DCC: variants seen among roughly 807,000 people sequenced by gnomAD.
DCC encodes the protein DCC netrin 1 receptor.
A neutral mutation model predicts 172.5 loss-of-function variants in DCC; 58 were observed. That is an observed-to-expected ratio of 0.34 (90% CI 0.27 to 0.42). DCC has a LOEUF of 0.42. Ranked by LOEUF, DCC falls within the 10% of genes least tolerant of loss-of-function variation. DCC has a pLI of 1.00. For synonymous variants in DCC, 709 were observed against 644.5 expected, an observed-to-expected ratio of 1.10 and a Z score of -1.52; for missense variants, 1,740 against 1,791.0, an observed-to-expected ratio of 0.97 and a Z score of 0.51.
At chr18:52,760,675 G>C (rs2037146998) in intron 2 of DCC, among the ~76,000 whole-genome samples, 1 of 152,084 alleles carries the variant, frequency 6.6e-6, no homozygotes, top group Non-Finnish European at 1.5e-5. Flanking sequence ...ACTGATTTTT[G>C]TCCTATTTTT....
intron 1 of DCC, among the ~76,000 whole-genome samples, chr18:52,439,955 T>C (rs1295098941): frequency 1.3e-5 from 2 of 152,132 alleles, no homozygotes; most frequent in African/African-American, 2.4e-5. Context: ...AAACGGGGCA[T>C]AGCTGTTTTC....
At chr18:52,538,105 C>T (rs2032337836) in intron 1 of DCC, among the ~76,000 whole-genome samples, 1 of 152,112 alleles carries the variant, frequency 6.6e-6, no homozygotes, top group Non-Finnish European at 1.5e-5. Flanking sequence ...GATTTGGCAC[C>T]TCATCCATCC....
At chr18:53,337,792 G>A (rs1157822565) in intron 14 of DCC, among the ~76,000 whole-genome samples, 1 of 152,166 alleles carries the variant, frequency 6.6e-6, no homozygotes, top group Non-Finnish European at 1.5e-5. Context: ...CTAGAAGTGG[G>A]AATGCTGCAT....
intron 1 of DCC, among the ~76,000 whole-genome samples, chr18:52,416,743 C>T (rs376561135): frequency 6.7e-6 from 1 of 148,912 alleles, no homozygotes; most frequent in Non-Finnish European, 1.5e-5. Flanking sequence ...TTCCTCCATC[C>T]TTTTATTTTG....
chr18:53,184,785 A>G (rs751136311), intron 9 of DCC, among the ~76,000 whole-genome samples: 1 of 152,136 alleles, frequency 6.6e-6, no homozygotes, highest in Non-Finnish European at 1.5e-5. Context: ...CTTGGCTGTC[A>G]TTGGTTGGTT....
At chr18:52,827,801 T>C (rs1212961247) in intron 2 of DCC, among the ~76,000 whole-genome samples, 1 of 152,222 alleles carries the variant, frequency 6.6e-6, no homozygotes, top group African/African-American at 2.4e-5. Context: ...CTTGCTTTTC[T>C]TTGAATTTAC....
intron 27 of DCC, among the ~76,000 whole-genome samples, chr18:53,511,956 A>C (rs2046260728): frequency 1.3e-5 from 2 of 152,214 alleles, no homozygotes; most frequent in African/African-American, 2.4e-5. Context: ...AACTGGGTGG[A>C]GCCCACCACA....
chr18:52,387,309 G>C (rs764948244), intron 1 of DCC, among the ~76,000 whole-genome samples: 6 of 152,074 alleles, frequency 3.9e-5, no homozygotes, highest in Non-Finnish European at 7.4e-5. Flanking sequence ...TCAGGACAAA[G>C]GATAAATGGA....
At chr18:53,411,205 A>T (rs1469878832) in intron 20 of DCC, among the ~76,000 whole-genome samples, 2 of 152,162 alleles carry the variant, frequency 1.3e-5, no homozygotes, top group Non-Finnish European at 2.9e-5. Flanking sequence ...AGTAGTGATT[A>T]CATCAAAATA....
chr18:52,671,109 G>C (rs903018645), intron 1 of DCC, among the ~76,000 whole-genome samples: 5 of 152,168 alleles, frequency 3.3e-5, no homozygotes, highest in African/African-American at 7.2e-5. Context: ...CCCTGCTGGG[G>C]AGGCTTAACA....
chr18:52,719,610 C>T (rs199847450), intron 1 of DCC, among the ~76,000 whole-genome samples: 2 of 146,004 alleles, frequency 1.4e-5, no homozygotes, highest in African/African-American at 5.1e-5. Flanking sequence ...ATCTAAGGAA[C>T]AAAAAAAAAA....
chr18:52,550,396 T>A (rs1236314), intron 1 of DCC, among the ~76,000 whole-genome samples: 37,118 of 151,976 alleles, frequency 0.24, 4,682 homozygotes, highest in African/African-American at 0.29. Context: ...GATTTTATTT[T>A]AAAACAATAT....
intron 1 of DCC, among the ~76,000 whole-genome samples, chr18:52,539,710 T>C (rs150776709): frequency 1.9e-4 from 29 of 152,328 alleles, no homozygotes; most frequent in African/African-American, 6.7e-4. Context: ...TACAACATAA[T>C]GATGTAGTTA....
intron 1 of DCC, among the ~76,000 whole-genome samples, chr18:52,418,394 A>C (rs1032700497): frequency 6.6e-5 from 10 of 152,174 alleles, no homozygotes; most frequent in African/African-American, 2.4e-4. Context: ...AGATCATTAT[A>C]CTAGTGCAAG....
At chr18:53,484,564 G>C (rs1420087226) in intron 25 of DCC, among the ~76,000 whole-genome samples, 1 of 151,926 alleles carries the variant, frequency 6.6e-6, no homozygotes, top group Non-Finnish European at 1.5e-5. Context: ...TAACTTCTGG[G>C]TCTTACATGT....
rs138689987 is a variant in DCC, at chr18:52,827,380, GAT to G, written c.412+75010_412+75011del. Among the ~76,000 whole-genome samples the G allele has an allele frequency of 1.4e-4, 21 of 152,318 alleles. No individual in the cohort carries two copies. The East Asian group carries it at 4.1e-3, about 29-fold the overall frequency. ...ATTTTAAAATGGCTGAGGTGATTTT[GAT>G]ATAGCATAGCTAGCATTAATTTGTG... is the stretch of plus-strand genomic sequence containing the variant. On this transcript the variant is annotated intron_variant, in intron 2 of 28. Coordinates refer to ENST00000442544, the MANE Select transcript of DCC (RefSeq NM_005215.4).
At chr18:52,799,166 G>A (rs1226402474) in intron 2 of DCC, among the ~76,000 whole-genome samples, 1 of 152,206 alleles carries the variant, frequency 6.6e-6, no homozygotes, top group Non-Finnish European at 1.5e-5. Flanking sequence ...TCTGAAATTA[G>A]AAGCCATCTA....
At chr18:52,579,998 T>C (rs2033506432) in intron 1 of DCC, among the ~76,000 whole-genome samples, 1 of 152,236 alleles carries the variant, frequency 6.6e-6, no homozygotes, top group Non-Finnish European at 1.5e-5. Context: ...TATGCTAATG[T>C]ATTGGACATA....
intron 7 of DCC, among the ~76,000 whole-genome samples, chr18:53,080,782 G>A (rs746635510): frequency 4.6e-5 from 7 of 152,054 alleles, no homozygotes; most frequent in African/African-American, 7.2e-5. Context: ...TTGAAAAGGA[G>A]CTTTTGATGC....
Sources: gnomAD v4.1 joint callset for allele counts (sites outside exome capture counted in the v4.1 genomes callset) on GRCh38, gnomAD v4.1.1 for gene constraint, MANE v1.5 for transcripts, NCBI Gene and HGNC (gene_info 2026-07-23, HGNC 2026-07-21) for gene names.